Variants in ADK observed in about 807,000 individuals in gnomAD.
The protein encoded by ADK is N6,N6-dimethyladenosine kinase.
In ADK, 24 loss-of-function variants were observed where a neutral mutation model predicts 44.7. The ratio of observed to expected loss-of-function variants is 0.54; its 90% CI spans 0.39 to 0.76. The LOEUF (loss-of-function observed/expected upper bound fraction) is 0.76. Among genes scored for constraint, ADK ranks in the 30% least tolerant of loss-of-function variants. ADK has a pLI of 0.00. For synonymous variants in ADK, 128 were observed against 142.6 expected, an observed-to-expected ratio of 0.90 and a Z score of 0.73; for missense variants, 321 against 425.1, an observed-to-expected ratio of 0.76 and a Z score of 2.15.
At chr10:74,689,285 T>C (rs981583302) in intron 10 of ADK, among the ~76,000 whole-genome samples, 16 of 151,546 alleles carry the variant, frequency 1.1e-4, no homozygotes, top group African/African-American at 3.9e-4. Flanking sequence ...ATAAAATAAA[T>C]AATAAAGGAT....
chr10:74,677,965 C>CAAAA (rs3037448), intron 10 of ADK, among the ~76,000 whole-genome samples: 1,055 of 43,070 alleles, frequency 0.024, 331 homozygotes, highest in Non-Finnish European at 0.027. Flanking sequence ...CCAGTCTCTA[C>CAAAA]AAAAAAAAAA....
chr10:74,345,655 C>G (rs1002180671), intron 4 of ADK, among the ~76,000 whole-genome samples: 1 of 152,142 alleles, frequency 6.6e-6, no homozygotes, highest in African/African-American at 2.4e-5. Flanking sequence ...TAGTAACTTT[C>G]TATCTACAGT....
intron 4 of ADK, among the ~76,000 whole-genome samples, chr10:74,326,540 G>A (rs1006702881): frequency 6.6e-6 from 1 of 152,146 alleles, no homozygotes; most frequent in Non-Finnish European, 1.5e-5. Flanking sequence ...GAGCTTAGGA[G>A]GTGGAGGCTG....
intron 3 of ADK, among the ~76,000 whole-genome samples, chr10:74,285,287 C>T (rs766261508): frequency 2.0e-5 from 3 of 152,032 alleles, no homozygotes; most frequent in Non-Finnish European, 4.4e-5. Context: ...CAAGTAGGAA[C>T]TTAGACAAAA....
chr10:74,639,701 T>C (rs1853766914), intron 9 of ADK, among the ~76,000 whole-genome samples: 1 of 152,096 alleles, frequency 6.6e-6, no homozygotes, highest in Non-Finnish European at 1.5e-5. Flanking sequence ...CCGGGCGTGG[T>C]GGCATGTACC....
chr10:74,628,536 G>T (rs2134051454), intron 9 of ADK, among the ~76,000 whole-genome samples: 1 of 150,384 alleles, frequency 6.6e-6, no homozygotes, highest in African/African-American at 2.4e-5. Flanking sequence ...CCTGGATTAA[G>T]TTTTTTTCAG....
At chr10:74,522,606 C>G (rs762525747) in intron 6 of ADK, among the ~76,000 whole-genome samples, 2 of 151,914 alleles carry the variant, frequency 1.3e-5, no homozygotes, top group Non-Finnish European at 2.9e-5. Flanking sequence ...TTATTGTAGT[C>G]TATTTGAAAT....
chr10:74,498,346 G>A (rs1306157596), intron 6 of ADK, among the ~76,000 whole-genome samples: 1 of 152,098 alleles, frequency 6.6e-6, no homozygotes, highest in African/African-American at 2.4e-5. Context: ...TAAAACTTCT[G>A]TAGTAGAATG....
chr10:74,462,622 A>T (rs1846211747), intron 6 of ADK, among the ~76,000 whole-genome samples: 2 of 152,330 alleles, frequency 1.3e-5, no homozygotes, highest in South Asian at 4.1e-4. Flanking sequence ...CATCAGCTTC[A>T]AAATGAAAGA....
chr10:74,251,091 C>T (rs1429227916), intron 3 of ADK, among the ~76,000 whole-genome samples: 3 of 151,942 alleles, frequency 2.0e-5, no homozygotes, highest in Non-Finnish European at 2.9e-5. Flanking sequence ...GGAGAGAGGG[C>T]GTTGAAAAAG....
intron 4 of ADK, among the ~76,000 whole-genome samples, chr10:74,356,028 T>TTTTGAGACGGAG: frequency 7.0e-6 from 1 of 142,880 alleles, no homozygotes; most frequent in Non-Finnish European, 1.5e-5. Flanking sequence ...TTTTTTTTTT[T>TTTTGAGACGGAG]TGAGACGGAG....
intron 6 of ADK, among the ~76,000 whole-genome samples, chr10:74,454,370 T>A (rs963695009): frequency 6.6e-6 from 1 of 152,114 alleles, no homozygotes; most frequent in East Asian, 1.9e-4. Context: ...ATGCAAAAAA[T>A]ATTGGTGTTT....
intron 6 of ADK, among the ~76,000 whole-genome samples, chr10:74,438,877 C>G (rs1845287477): frequency 6.6e-6 from 1 of 152,062 alleles, no homozygotes; most frequent in African/African-American, 2.4e-5. Flanking sequence ...GTATCATCAC[C>G]ATTCAAAAAA....
chr10:74,611,513 A>C (rs1476595570), intron 9 of ADK, among the ~76,000 whole-genome samples: 1 of 149,916 alleles, frequency 6.7e-6, no homozygotes, highest in African/African-American at 2.5e-5. Flanking sequence ...TTAATTTTAG[A>C]ATTGGGGGAG....
intron 7 of ADK, among the ~76,000 whole-genome samples, chr10:74,582,254 T>G (rs1406180907): frequency 6.6e-6 from 1 of 151,734 alleles, no homozygotes; most frequent in East Asian, 1.9e-4. Context: ...GAGGCTAAAG[T>G]AAGCTGTGAT....
chr10:74,611,556 T>C (rs1852546579), intron 9 of ADK, among the ~76,000 whole-genome samples: 2 of 151,574 alleles, frequency 1.3e-5, no homozygotes, highest in Admixed American at 1.3e-4. Context: ...GTTACATGGA[T>C]ATATTACATA....
intron 10 of ADK, among the ~76,000 whole-genome samples, chr10:74,675,031 A>G (rs1481166223): frequency 6.6e-6 from 1 of 152,018 alleles, no homozygotes; most frequent in Non-Finnish European, 1.5e-5. Context: ...TTTCTGATTG[A>G]CACATTCTAT....
At chr10:74,622,645 A>G (rs1853035639) in intron 9 of ADK, among the ~76,000 whole-genome samples, 1 of 152,152 alleles carries the variant, frequency 6.6e-6, no homozygotes, top group Non-Finnish European at 1.5e-5. Flanking sequence ...TTCATACCGC[A>G]CTTTGGGAAC....
At chr10:74,676,665 C>G (rs372454236) in intron 10 of ADK, among the ~76,000 whole-genome samples, 4 of 152,074 alleles carry the variant, frequency 2.6e-5, no homozygotes, top group African/African-American at 9.6e-5. Context: ...CACTCTGTTA[C>G]CCAGTCTGGT....
Sources: gnomAD v4.1 joint callset for allele counts (sites outside exome capture counted in the v4.1 genomes callset) on GRCh38, gnomAD v4.1.1 for gene constraint, MANE v1.5 for transcripts, NCBI Gene and HGNC (gene_info 2026-07-23, HGNC 2026-07-21) for gene names.